Variants in PRR5L observed in about 807,000 individuals in gnomAD.
The protein encoded by PRR5L is proline rich 5 like, also known as proline-rich protein 5-like.
Under a neutral mutation model 36.4 loss-of-function variants are expected in PRR5L, and 21 were observed. The ratio of observed to expected loss-of-function variants is 0.58; its 90% CI spans 0.41 to 0.83. PRR5L has a LOEUF of 0.83. Ranked by LOEUF, PRR5L falls within the 40% of genes least tolerant of loss-of-function variation. The pLI, the probability that PRR5L is intolerant of heterozygous loss-of-function variation, is 0.00. For missense variants in PRR5L, 381 were observed against 473.3 expected, an observed-to-expected ratio of 0.80 and a Z score of 1.81; for synonymous variants, 188 against 197.0, an observed-to-expected ratio of 0.95 and a Z score of 0.38.
At chr11:36,301,888 CT>C (rs1243147316) in intron 1 of PRR5L, among the ~76,000 whole-genome samples, 1 of 152,104 alleles carries the variant, frequency 6.6e-6, no homozygotes, top group Non-Finnish European at 1.5e-5. Flanking sequence ...ACCCCCTCAT[CT>C]TTTTTTCTTT....
chr11:36,341,279 G>A (rs367857166), intron 1 of PRR5L, among the ~76,000 whole-genome samples: 2 of 152,156 alleles, frequency 1.3e-5, no homozygotes, highest in South Asian at 2.1e-4. Context: ...CCCTCTATAC[G>A]CTTGGCTCAA....
chr11:36,419,152 T>G, intron 3 of PRR5L, 103 bp from the exon 4 acceptor site: 1 of 1,003,268 alleles, frequency 1.0e-6, no homozygotes, highest in Non-Finnish European at 1.6e-6. Context: ...GCCCTCAAGA[T>G]CTCAGACCTG....
In PRR5L at chr11:36,462,414, G is replaced by A. The variant is rs898069525; in HGVS notation, c.785G>A (p.Arg262Gln). Residue 262 changes from arginine to glutamine, a missense_variant, in exon 9 of 9, where the codon CGG (arginine) becomes CAG (glutamine). Transcript: ENST00000530639. ...GCCTCCCCGATAACCGCAGTCAGCC[G>A]GCCACTGAATGAGATGGTCTTGACC... is the stretch of plus-strand genomic sequence containing the variant. ...NYASPITAVS[R>Q]PLNEMVLTPL... 6.3e-6 allele frequency: 10 copies of A among 1,577,662 alleles called. No homozygotes were observed. The highest frequency in any genetic ancestry group is 1.3e-5 in the African/African-American group (1 of 74,208).
intron 3 of PRR5L, among the ~76,000 whole-genome samples, chr11:36,407,213 A>T (rs896623689): frequency 3.3e-5 from 5 of 152,178 alleles, no homozygotes; most frequent in African/African-American, 4.8e-5. Flanking sequence ...TCTCCAGGCC[A>T]GGTGTCATGC....
chr11:36,438,931 T>G (rs1397160056), intron 6 of PRR5L, among the ~76,000 whole-genome samples: 12 of 152,206 alleles, frequency 7.9e-5, no homozygotes, highest in Non-Finnish European at 1.3e-4. Flanking sequence ...CAAAACCCTG[T>G]CTCGAAATAA....
Position 36,464,557 on chromosome 11 carries a change from A to G in PRR5L, c.*1821A>G, listed in dbSNP as rs1564958289. On this transcript the variant is annotated 3_prime_UTR_variant, in exon 9 of 9. Transcript: ENST00000530639. The stretch of plus-strand genomic sequence containing the variant: ...AATAATCTCTATGTATGTGTTGGAT[A>G]AAGTCTACAGACTGACTAACATGCA... 6.6e-6 allele frequency: 1 copy of G among 152,272 alleles called. No homozygotes were observed. Among genetic ancestry groups the G allele is most frequent in the Admixed American group, 6.5e-5 (1 of 15,288 alleles). The allele number at this position is 152,272 out of a possible 1,614,324, so 9.4% of individuals were successfully genotyped here. A position where few individuals can be genotyped will look rare whatever the true frequency, so the allele number is the denominator to read the frequency against.
intron 1 of PRR5L, among the ~76,000 whole-genome samples, chr11:36,299,646 G>A (rs1488991855): frequency 6.6e-6 from 1 of 152,124 alleles, no homozygotes; most frequent in East Asian, 1.9e-4. Context: ...AGAACCCTAG[G>A]AGTTCTTCTG....
intron 1 of PRR5L, among the ~76,000 whole-genome samples, chr11:36,399,579 C>G (rs1857746263): frequency 6.6e-6 from 1 of 152,218 alleles, no homozygotes; most frequent in Admixed American, 6.5e-5. Context: ...TGACTTAAGG[C>G]TAGAATATCT....
chr11:36,309,151 G>A (rs1856468194), intron 1 of PRR5L, among the ~76,000 whole-genome samples: 1 of 152,308 alleles, frequency 6.6e-6, no homozygotes, highest in African/African-American at 2.4e-5. Flanking sequence ...TGTTAAGTAT[G>A]GCTCAGGGAG....
chr11:36,451,405 C>T, intron 8 of PRR5L, 70 bp downstream of exon 8: 1 of 1,561,188 alleles, frequency 6.4e-7, no homozygotes, highest in Non-Finnish European at 8.8e-7. Flanking sequence ...TAACTGAGCA[C>T]TGTTTAACTG....
At chr11:36,439,956 A>G (rs1858686442) in intron 6 of PRR5L, among the ~76,000 whole-genome samples, 1 of 152,126 alleles carries the variant, frequency 6.6e-6, no homozygotes, top group Non-Finnish European at 1.5e-5. Context: ...AAGAACAGAA[A>G]AGTGAATTCT....
In PRR5L at chr11:36,446,401, G is replaced by C; in HGVS notation, c.546G>C (p.Lys182Asn). ...LGDLLLLAQS[K>N]LPSSIVQMLL... Reference sequence around the variant, plus strand: ...ACCTGCTGCTGCTGGCCCAGTCCAAGCTGCCCTCGTCCATTGTCCAGATGT... The same window carrying C: ...ACCTGCTGCTGCTGGCCCAGTCCAACCTGCCCTCGTCCATTGTCCAGATGT... The change falls in exon 7 of 9, where the codon AAG becomes AAC. Residue 182 changes from lysine (K) to asparagine (N), a missense_variant. Physicochemically the swap from Lys to Asn is moderately conservative, Grantham distance 94. Transcript: ENST00000530639. 1 of 1,614,188 alleles carries C rather than the reference G, an allele frequency of 6.2e-7. No individual in the cohort carries two copies. Among genetic ancestry groups the C allele is most frequent in the Non-Finnish European group, 8.5e-7 (1 of 1,180,048 alleles).
rs533226403 is a variant in PRR5L, at chr11:36,413,700, T to TTTTTATTTTA, written c.246-5537_246-5528dup. ...TATACTTTATTTTATTTATTTCTATTTTTTATTTTATTTTATTTTATTTTA... is the reference window on the plus strand; with the variant it reads ...TATACTTTATTTTATTTATTTCTATTTTTTATTTTATTTTATTTTATTTTATTTTATTTTA... On this transcript the variant is annotated intron_variant, in intron 3 of 8. Coordinates refer to ENST00000530639, the MANE Select transcript of PRR5L (RefSeq NM_001160167.2). 4.1e-3 allele frequency among the ~76,000 whole-genome samples: 614 copies of TTTTTATTTTA among 150,936 alleles called. 3 individuals carry two copies. Among genetic ancestry groups the TTTTTATTTTA allele is most frequent in the Middle Eastern group, 0.017 (5 of 294 alleles).
At chr11:36,416,824 G>GGAGGC (rs34518289) in intron 3 of PRR5L, among the ~76,000 whole-genome samples, 2 of 5,626 alleles carry the variant, frequency 3.6e-4, no homozygotes, top group Non-Finnish European at 1.7e-3. Flanking sequence ...CTCCCTGATA[G>GGAGGC]GAGGGGAGGA....
intron 3 of PRR5L, among the ~76,000 whole-genome samples, chr11:36,415,230 T>C (rs1290690012): frequency 6.6e-6 from 1 of 152,196 alleles, no homozygotes. Context: ...TTAAAGTAGA[T>C]ACTGGATACT....
At chr11:36,322,132 T>C (rs1856619388) in intron 1 of PRR5L, among the ~76,000 whole-genome samples, 1 of 152,178 alleles carries the variant, frequency 6.6e-6, no homozygotes, top group South Asian at 2.1e-4. Context: ...AGTTTGTACA[T>C]ATCTATAATT....
Position 36,419,268 on chromosome 11 carries a change from A to G in PRR5L, c.259A>G (p.Ser87Gly). Reference protein sequence around the residue: ...LNENIRRLLKSELGSFITDYF... With the variant: ...LNENIRRLLKGELGSFITDYF... ...CCTTCTCCCCAGGCGGCTGTTGAAG[A>G]GTGAACTTGGATCATTCATTACAGA... is the stretch of plus-strand genomic sequence containing the variant. Residue 87 changes from serine to glycine, a missense_variant, in exon 4 of 9, where the codon AGT becomes GGT. Coordinates refer to ENST00000530639, the MANE Select transcript of PRR5L (RefSeq NM_001160167.2). 1 of 1,614,128 alleles carries G rather than the reference A, an allele frequency of 6.2e-7. No homozygotes were observed. Among genetic ancestry groups the G allele is most frequent in the Non-Finnish European group, 8.5e-7 (1 of 1,179,960 alleles).
chr11:36,437,036 A>T (rs7929195), intron 5 of PRR5L, among the ~76,000 whole-genome samples: 1 of 151,872 alleles, frequency 6.6e-6, no homozygotes, highest in African/African-American at 2.4e-5. Context: ...GTAAGTAATG[A>T]GCTCTCTTTC....
At chr11:36,353,345 A>T (rs1246589570) in intron 1 of PRR5L, among the ~76,000 whole-genome samples, 1 of 152,224 alleles carries the variant, frequency 6.6e-6, no homozygotes, top group Admixed American at 6.5e-5. Context: ...CACATGAGTC[A>T]AAGAAAACCA....
Sources: gnomAD v4.1 joint callset for allele counts (sites outside exome capture counted in the v4.1 genomes callset) on GRCh38, gnomAD v4.1.1 for gene constraint, MANE v1.5 for transcripts, NCBI Gene and HGNC (gene_info 2026-07-23, HGNC 2026-07-21) for gene names.